Variants in TRIP12 observed in about 807,000 individuals in gnomAD.
The protein encoded by TRIP12 is E3 ubiquitin-protein ligase TRIP12.
TRIP12 carries 25 observed loss-of-function variants against 244.2 expected under a neutral mutation model. The observed-to-expected ratio is 0.10, with a 90% CI of 0.07 to 0.14. The LOEUF (loss-of-function observed/expected upper bound fraction) is 0.14, where lower values mean the gene tolerates loss of function less well. TRIP12 is among the 10% of genes least tolerant of loss of function. The pLI is 1.00. For synonymous variants in TRIP12, 905 were observed against 873.1 expected (o/e 1.04, Z -0.64); for missense variants, 1,677 against 2,486.4 (o/e 0.67, Z 6.92).
At chr2:229,813,454 T>C (rs2047748208) in intron 13 of TRIP12, among the ~76,000 whole-genome samples, 1 of 152,170 alleles carries the variant, frequency 6.6e-6, no homozygotes, top group African/African-American at 2.4e-5. Flanking sequence ...CGATTATATA[T>C]GCAGTTAAAG....
Position 229,794,441 on chromosome 2 carries a change from C to T in TRIP12, c.3968+738G>A, listed in dbSNP as rs540325304. On this transcript the variant is annotated intron_variant, in intron 26 of 41. Coordinates refer to ENST00000675903, the MANE Select transcript of TRIP12 (RefSeq NM_001348323.3). ...AATTAATGGAACATGGTGGCACATGCCTGTGGCCCCAGCTACGTGGCAGGC... is the reference window on the plus strand; with the variant it reads ...AATTAATGGAACATGGTGGCACATGTCTGTGGCCCCAGCTACGTGGCAGGC... 2.0e-3 allele frequency among the ~76,000 whole-genome samples: 306 copies of T among 152,156 alleles called. 1 individual carries two copies. The highest frequency in any genetic ancestry group is 0.01 in the Middle Eastern group (3 of 292).
Position 229,778,115 on chromosome 2 carries a change from A to T in TRIP12, c.5364+318T>A, listed in dbSNP as rs2036881609. Among the ~76,000 whole-genome samples, 1 of 152,232 alleles carries T rather than the reference A, an allele frequency of 6.6e-6. No individual in the cohort carries two copies. The highest frequency in any genetic ancestry group is 6.5e-5 in the Admixed American group (1 of 15,288). ...AATTAAAAAGGTAATGTCAGACTTT[A>T]AAAAATAAATAATTAATACCACCTT... is the stretch of plus-strand genomic sequence containing the variant. On this transcript the variant is annotated intron_variant, in intron 36 of 41. Transcript: ENST00000675903. The surrounding 1 kb of genome is among the most constrained non-coding windows in gnomAD (Gnocchi z 4.1).
rs781311402 is a variant in TRIP12, at chr2:229,791,241, C to T, written c.4426G>A (p.Val1476Met). The T allele has an allele frequency of 2.3e-5, 37 of 1,614,064 alleles. 1 individual carries two copies. Among genetic ancestry groups the T allele is most frequent in the Middle Eastern group, 3.3e-4 (2 of 6,060 alleles). Residue 1476 changes from valine to methionine, a missense_variant, in exon 30 of 42, where the codon GTG becomes ATG. Physicochemically the swap from Val to Met is conservative, Grantham distance 21. Around this residue, in one of 11 missense-constraint regions of TRIP12, gnomAD observed 265 missense variants for 370.8 expected, o/e 0.71. Coordinates refer to ENST00000675903, the MANE Select transcript of TRIP12 (RefSeq NM_001348323.3). ...TTATTACTTTCTTCATCCTCTCTCA[C>T]AGGTTTATACCTAAAATGACAAGAC... The part of the protein sequence containing the change: ...TKTHTIWYKP[V>M]REDEESNKDC...
rs144760599 is a variant in TRIP12 at position 229,911,097 on chromosome 2, G to A, written c.-50+10783C>T. Among the ~76,000 whole-genome samples, 1,311 of 152,232 alleles carry A rather than the reference G, an allele frequency of 8.6e-3. 27 individuals are homozygous for A. Among genetic ancestry groups the A allele is most frequent in the African/African-American group, 0.031 (1,270 of 41,536 alleles). ...ATAAAGGAAAAAATATATGAAGCTG[G>A]GTGGCTGTTTTACAGAAAAACAGGC... On this transcript the variant is annotated intron_variant, in intron 1 of 41. Coordinates refer to ENST00000675903, the MANE Select transcript of TRIP12 (RefSeq NM_001348323.3).
chr2:229,811,564 A>C (rs2047255448), intron 13 of TRIP12, among the ~76,000 whole-genome samples: 1 of 152,198 alleles, frequency 6.6e-6, no homozygotes, highest in African/African-American at 2.4e-5. Flanking sequence ...GAAATGTTTA[A>C]GTGGGTGCAC....
intron 8 of TRIP12, among the ~76,000 whole-genome samples, chr2:229,827,751 C>T (rs1219599186): frequency 6.6e-6 from 1 of 152,146 alleles, no homozygotes; most frequent in East Asian, 1.9e-4. Flanking sequence ...TTGTTCAATG[C>T]ATGGCCCAGG....
chr2:229,863,311 A>G (rs985365029), intron 2 of TRIP12, among the ~76,000 whole-genome samples: 2 of 152,054 alleles, frequency 1.3e-5, no homozygotes, highest in Non-Finnish European at 2.9e-5. Flanking sequence ...AAAGTGTGAT[A>G]TTCTAAGGAC....
At chr2:229,805,493 C>T (rs2045648045) in intron 18 of TRIP12, among the ~76,000 whole-genome samples, 4 of 152,082 alleles carry the variant, frequency 2.6e-5, no homozygotes, top group Admixed American at 6.5e-5. Flanking sequence ...TCTGTATGAG[C>T]AAATTCTGAC....
rs374836613 is a variant in TRIP12 at position 229,859,155 on chromosome 2, G to T, written c.644C>A (p.Ala215Glu). 6 of 1,613,984 alleles carry T rather than the reference G, an allele frequency of 3.7e-6. No individual in the cohort carries two copies. The East Asian group carries it at 6.7e-5, about 18-fold the overall frequency. ...TTTTGAAGCCAGCTTGGTAGGTTTC[G>T]CAGATCTCTCTTCTGCACCAGTTGA... ...SESTGAEERS[A>E]KPTKLASKSA... The change falls in exon 4 of 42, where the codon GCG becomes GAG. Residue 215 changes from alanine to glutamate, a missense_variant. Physicochemically the swap from Ala to Glu is moderately radical, Grantham distance 107 (BLOSUM62 -1). This residue lies in a region of TRIP12 where 387 missense variants were observed against 392.6 expected (regional missense o/e 0.99). Coordinates refer to ENST00000675903, the MANE Select transcript of TRIP12 (RefSeq NM_001348323.3).
In TRIP12 at chr2:229,777,309, G is replaced by C. The variant is rs745608710; in HGVS notation, c.5529+6C>G. The C allele has an allele frequency of 2.5e-5, 41 of 1,611,756 alleles. No homozygotes were observed. In the Admixed American group the frequency reaches 6.7e-4, roughly 26 times the overall value. ...TGATCTACTGGACTGTTTCTTCTAA[G>C]CCTACCTGGGATTTATCTTGTTCAA... On this transcript the variant is annotated splice_donor_region_variant and intron_variant, in intron 37 of 41. Transcript: ENST00000675903.
rs956915646 is a variant in TRIP12 at position 229,789,092 on chromosome 2, C to G, written c.4696-152G>C. 6.9e-6 allele frequency: 5 copies of G among 720,528 alleles called. No individual in the cohort carries two copies. The South Asian group carries it at 7.7e-5, about 11-fold the overall frequency. 44.6% of individuals were successfully genotyped at this position (720,528 alleles called of 1,614,324 possible). ...AACACACAGCCTCTCATTACTGTGT[C>G]CCAACTAAAACAACAATTCCCACAA... is the stretch of plus-strand genomic sequence containing the variant. On this transcript the variant is annotated intron_variant, in intron 31 of 41. Coordinates refer to ENST00000675903, the MANE Select transcript of TRIP12 (RefSeq NM_001348323.3).
At chr2:229,802,521 C>A in intron 20 of TRIP12, 62 bp from the exon 21 acceptor site, 1 of 1,289,092 alleles carries the variant, frequency 7.8e-7, no homozygotes, top group Non-Finnish European at 1.1e-6. Context: ...TTCTCCCCAC[C>A]ATTACAAAAT....
chr2:229,814,663 T>C (rs2048070666), intron 11 of TRIP12, among the ~76,000 whole-genome samples: 1 of 152,182 alleles, frequency 6.6e-6, no homozygotes, highest in Admixed American at 6.5e-5. Flanking sequence ...TGCAAGTTTA[T>C]CAGATAAAGC....
At chr2:229,784,513 GAAAA>G (rs796545176) in intron 34 of TRIP12, among the ~76,000 whole-genome samples, 1 of 57,826 alleles carries the variant, frequency 1.7e-5, no homozygotes, top group South Asian at 5.4e-4. Flanking sequence ...GCACAAACAA[GAAAA>G]AAAAAAAAAA....
intron 8 of TRIP12, among the ~76,000 whole-genome samples, chr2:229,823,237 G>T (rs1263329322): frequency 6.6e-6 from 1 of 152,128 alleles, no homozygotes; most frequent in Admixed American, 6.5e-5. Flanking sequence ...TTCAGTGAAG[G>T]GCAAGCACAT....
At chr2:229,916,870 A>G (rs2154381711) in intron 1 of TRIP12, among the ~76,000 whole-genome samples, 1 of 151,782 alleles carries the variant, frequency 6.6e-6, no homozygotes, top group Non-Finnish European at 1.5e-5. Context: ...TAAAAAAAAA[A>G]AAAGAAAAAT....
At chr2:229,789,559 A>T in intron 31 of TRIP12, 52 bp downstream of exon 31, 4 of 1,576,110 alleles carry the variant, frequency 2.5e-6, no homozygotes, top group Non-Finnish European at 3.4e-6. Flanking sequence ...TGCAATAGGA[A>T]ATTTATCAAT....
Position 229,781,050 on chromosome 2 carries a change from T to C in TRIP12, c.5095-2060A>G, listed in dbSNP as rs114628133. Among the ~76,000 whole-genome samples the C allele has an allele frequency of 9.5e-3, 1,449 of 152,352 alleles. 11 individuals are homozygous for C. Among genetic ancestry groups the C allele is most frequent in the Non-Finnish European group, 0.016 (1,076 of 68,034 alleles). On this transcript the variant is annotated intron_variant, in intron 34 of 41. Transcript: ENST00000675903. ...AGTCTATTTCCTTCATCCAATGCTG[T>C]TGTTTCTAAAAGGATTCTTAAAATA...
chr2:229,792,635 T>C (rs1190792348), intron 27 of TRIP12, among the ~76,000 whole-genome samples: 1 of 152,198 alleles, frequency 6.6e-6, no homozygotes, highest in Non-Finnish European at 1.5e-5. Context: ...CTGGAGCGTT[T>C]TGCATTTTAG....
Sources: allele counts gnomAD v4.1 joint callset (sites outside exome capture counted in the v4.1 genomes callset), GRCh38; gene constraint gnomAD v4.1.1; regional missense constraint gnomAD v4.1.1; non-coding constraint Gnocchi (gnomAD v3.1); transcripts MANE v1.5; gene names NCBI Gene and HGNC (gene_info 2026-07-23, HGNC 2026-07-21).